The following PPIP5K2 variants were observed in gnomAD, a reference collection of about 807,000 sequenced individuals.
The protein encoded by PPIP5K2 is diphosphoinositol pentakisphosphate kinase 2.
In PPIP5K2, 105 loss-of-function variants were observed where a neutral mutation model predicts 154.6. That is an observed-to-expected ratio of 0.68 (90% CI 0.58 to 0.80). The LOEUF is 0.80. Ranked by LOEUF, PPIP5K2 falls within the 30% of genes least tolerant of loss-of-function variation. PPIP5K2 has a pLI of 0.00. For missense variants in PPIP5K2, 992 were observed against 1,504.6 expected (o/e 0.66, Z 5.64); for synonymous variants, 480 against 490.3 (o/e 0.98, Z 0.28).
intron 2 of PPIP5K2, among the ~76,000 whole-genome samples, chr5:103,132,156 A>G (rs1790727848): frequency 6.6e-6 from 1 of 152,200 alleles, no homozygotes; most frequent in Non-Finnish European, 1.5e-5. Context: ...TTTATAATCT[A>G]TTTGATTTAC....
chr5:103,120,398 AC>A lies in PPIP5K2; in HGVS notation c.-371del. 1 of 456,164 alleles carries A rather than the reference AC, an allele frequency of 2.2e-6. No individual in the cohort carries two copies. Among genetic ancestry groups the A allele is most frequent in the Non-Finnish European group, 4.4e-6 (1 of 226,816 alleles). The allele number at this position is 456,164 out of a possible 1,614,324, so 28.3% of individuals were successfully genotyped here. On this transcript the variant is annotated 5_prime_UTR_variant, in exon 1 of 31. Coordinates refer to ENST00000358359, the MANE Select transcript of PPIP5K2 (RefSeq NM_001276277.3). ...ACTGAAGTCTCTTGACAAACACCTC[AC>A]CCCTGCCTCCGGGATGAAAGGGGGT...
At chr5:103,183,176 CTTTTTTTTTTTTTTT>C (rs781952635) in intron 24 of PPIP5K2, 43 bp from the exon 25 acceptor site, 30 of 539,200 alleles carry the variant, frequency 5.6e-5, no homozygotes, top group East Asian at 2.0e-4. Context: ...GCATGCTCTG[CTTTTTTTTTTTTTTT>C]TTTTTTTTTT....
chr5:103,151,267 C>T lies in PPIP5K2; in HGVS notation c.921C>T (p.Gly307=), dbSNP rs1554211253. ...VCLAFKQTVC[G]FDLLRANGQS... ...ATTTTAAATAGCAAACAGTTTGTGG[C>T]TTTGATTTGTTACGGGCCAATGGAC... is the stretch of plus-strand genomic sequence containing the variant. Residue 307 remains glycine, a synonymous_variant, in exon 9 of 31, where the codon GGC becomes GGT. Coordinates refer to ENST00000358359, the MANE Select transcript of PPIP5K2 (RefSeq NM_001276277.3). 6 of 1,598,960 alleles carry T rather than the reference C, an allele frequency of 3.8e-6. No individual in the cohort carries two copies. The highest frequency in any genetic ancestry group is 5.1e-6 in the Non-Finnish European group (6 of 1,173,058).
chr5:103,165,177 T>C (rs1395545168), intron 17 of PPIP5K2, among the ~76,000 whole-genome samples: 1 of 152,142 alleles, frequency 6.6e-6, no homozygotes, highest in African/African-American at 2.4e-5. Flanking sequence ...AAATTTTCTT[T>C]ATTGATAAGA....
intron 21 of PPIP5K2, among the ~76,000 whole-genome samples, chr5:103,177,382 T>C (rs920684820): frequency 3.3e-5 from 5 of 151,896 alleles, no homozygotes; most frequent in Non-Finnish European, 7.4e-5. Context: ...TCGAGTGTCA[T>C]GTTAGTGCTC....
rs1462893313 is a variant in PPIP5K2 at position 103,203,763 on chromosome 5, A to G, written c.*2129A>G. The G allele has an allele frequency of 2.6e-5, 4 of 152,204 alleles. No homozygotes were observed. The highest frequency in any genetic ancestry group is 7.2e-5 in the African/African-American group (3 of 41,456). The allele number at this position is 152,204 out of a possible 1,614,324, so 9.4% of individuals were successfully genotyped here. The stretch of plus-strand genomic sequence containing the variant: ...GTTCCTTCACCCTTAAAAGCCATAT[A>G]ATAGGCTCAGACCTAACTTAGCCCT... On this transcript the variant is annotated 3_prime_UTR_variant, in exon 31 of 31. Coordinates refer to ENST00000358359, the MANE Select transcript of PPIP5K2 (RefSeq NM_001276277.3).
rs554589389 is a variant in PPIP5K2 at position 103,202,474 on chromosome 5, G to A, written c.*840G>A. Reference sequence around the variant, plus strand: ...ATCTAAAGAAGTCAGTTCAAAAATGGAAATCAACAATGTTAGGAGAAATCT... The same window carrying A: ...ATCTAAAGAAGTCAGTTCAAAAATGAAAATCAACAATGTTAGGAGAAATCT... On this transcript the variant is annotated 3_prime_UTR_variant, in exon 31 of 31. Coordinates refer to ENST00000358359, the MANE Select transcript of PPIP5K2 (RefSeq NM_001276277.3). The A allele has an allele frequency of 2.2e-4, 34 of 152,170 alleles. 1 individual carries two copies. The South Asian group carries it at 6.8e-3, about 31-fold the overall frequency. 9.4% of individuals were successfully genotyped at this position (152,170 alleles called of 1,614,324 possible). A position where few individuals can be genotyped will look rare whatever the true frequency, so the allele number is the denominator to read the frequency against.
intron 23 of PPIP5K2, 113 bp downstream of exon 23, chr5:103,178,093 C>A: frequency 1.3e-6 from 1 of 742,478 alleles, no homozygotes. Flanking sequence ...AACTTCTAAG[C>A]AGGAAAATGG....
Position 103,138,433 on chromosome 5 carries a change from T to C in PPIP5K2, c.451T>C (p.Tyr151His). 1 of 1,607,736 alleles carries C rather than the reference T, an allele frequency of 6.2e-7. No homozygotes were observed. Among genetic ancestry groups the C allele is most frequent in the Non-Finnish European group, 8.5e-7 (1 of 1,175,166 alleles). The change falls in exon 5 of 31, where the codon TAT becomes CAT. Residue 151 changes from tyrosine to histidine, a missense_variant. By Grantham distance (83) the Tyr-to-His change is moderately conservative (BLOSUM62 2). Transcript: ENST00000358359. ...LQAEGILLPRYAILNRDPNNP... is the reference protein window; with the variant it reads ...LQAEGILLPRHAILNRDPNNP... ...AGCTGAAGGTATTTTACTTCCTCGT[T>C]ATGCTATTTTGAACCGTGACCCAAA...
At chr5:103,188,065 A>G (rs1388462084) in intron 28 of PPIP5K2, among the ~76,000 whole-genome samples, 2 of 152,178 alleles carry the variant, frequency 1.3e-5, no homozygotes, top group Non-Finnish European at 2.9e-5. Context: ...GATTAAGTTA[A>G]GATCTAGAAA....
chr5:103,184,604 C>A, intron 25 of PPIP5K2, 68 bp from the exon 26 acceptor site: 2 of 1,166,054 alleles, frequency 1.7e-6, no homozygotes, highest in South Asian at 1.3e-5. Context: ...GAACAGGCTG[C>A]ATATGAAGTA....
At chr5:103,162,349 TC>T (rs1275623171) in intron 17 of PPIP5K2, among the ~76,000 whole-genome samples, 4 of 138,186 alleles carry the variant, frequency 2.9e-5, no homozygotes, top group African/African-American at 1.0e-4. Flanking sequence ...TGATGTGTTT[TC>T]TTTTTTTTTT....
intron 17 of PPIP5K2, 42 bp downstream of exon 17, chr5:103,159,370 A>G (rs1795877342): frequency 6.1e-6 from 9 of 1,480,792 alleles, no homozygotes; most frequent in African/African-American, 1.4e-5. Flanking sequence ...TATTACACAC[A>G]CACAGAAAAG....
intron 19 of PPIP5K2, among the ~76,000 whole-genome samples, chr5:103,169,842 T>A (rs953895314): frequency 6.6e-6 from 1 of 151,704 alleles, no homozygotes; most frequent in African/African-American, 2.4e-5. Flanking sequence ...TTTGTAAGTA[T>A]GCTTTTTAAC....
intron 19 of PPIP5K2, among the ~76,000 whole-genome samples, chr5:103,169,688 G>A (rs782338723): frequency 7.3e-5 from 11 of 151,602 alleles, no homozygotes; most frequent in Non-Finnish European, 1.2e-4. Flanking sequence ...CAGACTTTAC[G>A]AATACGTCTT....
chr5:103,201,697 T>C lies in PPIP5K2; in HGVS notation c.*63T>C. Reference sequence around the variant, plus strand: ...AATAGTATGTTCTTATGTTTCTCCTTATGCATTTATGTGTTCACTTAAAAA... The same window carrying C: ...AATAGTATGTTCTTATGTTTCTCCTCATGCATTTATGTGTTCACTTAAAAA... On this transcript the variant is annotated 3_prime_UTR_variant, in exon 31 of 31. Coordinates refer to ENST00000358359, the MANE Select transcript of PPIP5K2 (RefSeq NM_001276277.3). 8.9e-7 allele frequency: 1 copy of C among 1,123,476 alleles called. No individual in the cohort carries two copies. The allele number at this position is 1,123,476 out of a possible 1,614,324, so 69.6% of individuals were successfully genotyped here.
At position 103,201,748 on chromosome 5, in the gene PPIP5K2, G is replaced by A. The variant is rs1803058219; in HGVS notation, c.*114G>A. The A allele has an allele frequency of 2.5e-6, 2 of 789,582 alleles. No individual in the cohort carries two copies. Among genetic ancestry groups the A allele is most frequent in the East Asian group, 5.6e-5 (2 of 35,740 alleles). The allele number at this position is 789,582 out of a possible 1,614,324, so 48.9% of individuals were successfully genotyped here. A position where few individuals can be genotyped will look rare whatever the true frequency, so the allele number is the denominator to read the frequency against. On this transcript the variant is annotated 3_prime_UTR_variant, in exon 31 of 31. Transcript: ENST00000358359. ...TGTTTTTAAATCTAAGGTTTTCTTT[G>A]TTTATGTTCAGGTAAGGAACTGTTG...
intron 20 of PPIP5K2, 144 bp from the exon 21 acceptor site, chr5:103,173,714 T>A: frequency 4.7e-6 from 3 of 642,818 alleles, no homozygotes; most frequent in Non-Finnish European, 8.0e-6. Context: ...TAAGATAAAT[T>A]CTCTATTGTG....
chr5:103,190,131 G>A (rs1800993683), intron 28 of PPIP5K2, among the ~76,000 whole-genome samples: 1 of 151,906 alleles, frequency 6.6e-6, no homozygotes, highest in Non-Finnish European at 1.5e-5. Flanking sequence ...TTCACTGATG[G>A]TATTAATACA....
Sources: gnomAD v4.1 joint callset for allele counts (sites outside exome capture counted in the v4.1 genomes callset) on GRCh38, gnomAD v4.1.1 for gene constraint, MANE v1.5 for transcripts, NCBI Gene and HGNC (gene_info 2026-07-23, HGNC 2026-07-21) for gene names.